DCC: variants seen among roughly 807,000 people sequenced by gnomAD.
DCC encodes netrin receptor DCC.
Under a neutral mutation model 172.5 loss-of-function variants are expected in DCC, and 58 were observed. The observed-to-expected ratio is 0.34, with a 90% CI of 0.27 to 0.42. DCC has a LOEUF of 0.42. Among genes scored for constraint, DCC ranks in the 10% least tolerant of loss-of-function variants. The pLI is 1.00. For synonymous variants in DCC, 709 were observed against 644.5 expected, an observed-to-expected ratio of 1.10 and a Z score of -1.52; for missense variants, 1,740 against 1,791.0, an observed-to-expected ratio of 0.97 and a Z score of 0.51.
chr18:52,712,419 T>G (rs1049864360), intron 1 of DCC, among the ~76,000 whole-genome samples: 20 of 152,204 alleles, frequency 1.3e-4, no homozygotes, highest in African/African-American at 4.8e-4. Flanking sequence ...GCTAGCACTA[T>G]AGTAAGCAAT....
chr18:53,492,881 G>C (rs1296103234), intron 26 of DCC, among the ~76,000 whole-genome samples: 2 of 152,106 alleles, frequency 1.3e-5, no homozygotes, highest in African/African-American at 2.4e-5. Flanking sequence ...AGCCTGATGG[G>C]GTAGCGTTGA....
At position 52,704,582 on chromosome 18, in the gene DCC, G is replaced by A. The variant is rs377702228; in HGVS notation, c.92-47472G>A. 1.6e-4 allele frequency among the ~76,000 whole-genome samples: 25 copies of A among 152,296 alleles called. No homozygotes were observed. In the South Asian group the frequency reaches 4.8e-3, roughly 29 times the overall value. On this transcript the variant is annotated intron_variant, in intron 1 of 28. Coordinates refer to ENST00000442544, the MANE Select transcript of DCC (RefSeq NM_005215.4). ...CTGAAGAGCATTAGCTTTGTTTGAA[G>A]CACTGTATTTCTGAAGCCCAAATTG...
At chr18:53,486,658 A>T in intron 25 of DCC, 139 bp from the exon 26 acceptor site, 1 of 1,064,634 alleles carries the variant, frequency 9.4e-7, no homozygotes, top group Non-Finnish European at 1.4e-6. Flanking sequence ...ATTGGTGGAG[A>T]GAGGTAAGTA....
At chr18:53,456,102 C>T (rs1022063449) in intron 23 of DCC, among the ~76,000 whole-genome samples, 1 of 152,052 alleles carries the variant, frequency 6.6e-6, no homozygotes, top group Non-Finnish European at 1.5e-5. Flanking sequence ...GTGAGTGGTA[C>T]AGAGAGAGAT....
chr18:52,549,576 C>T (rs2032707789), intron 1 of DCC, among the ~76,000 whole-genome samples: 1 of 152,008 alleles, frequency 6.6e-6, no homozygotes, highest in South Asian at 2.1e-4. Context: ...TCATTCCTAC[C>T]ACCACTACTA....
chr18:52,796,424 A>G (rs1019785185), intron 2 of DCC, among the ~76,000 whole-genome samples: 22 of 152,014 alleles, frequency 1.4e-4, no homozygotes, highest in African/African-American at 4.6e-4. Flanking sequence ...TTATACTTTC[A>G]TGTATTTCCA....
chr18:53,493,722 T>G (rs933290452), intron 26 of DCC, among the ~76,000 whole-genome samples: 1 of 152,196 alleles, frequency 6.6e-6, no homozygotes, highest in Non-Finnish European at 1.5e-5. Context: ...AGCTCCTTGA[T>G]TCATTGATTT....
intron 7 of DCC, among the ~76,000 whole-genome samples, chr18:53,117,014 T>G (rs2043418351): frequency 6.6e-6 from 1 of 151,682 alleles, no homozygotes; most frequent in African/African-American, 2.4e-5. Context: ...GAACTATTTT[T>G]TAGATGGAAA....
At chr18:52,592,403 GT>G (rs1175201892) in intron 1 of DCC, among the ~76,000 whole-genome samples, 1 of 152,150 alleles carries the variant, frequency 6.6e-6, no homozygotes, top group Non-Finnish European at 1.5e-5. Flanking sequence ...ACAGAAATAT[GT>G]ATCACCCAGG....
intron 27 of DCC, among the ~76,000 whole-genome samples, 155 bp from the exon 28 acceptor site, chr18:53,526,462 C>G (rs571066956): frequency 6.6e-6 from 1 of 152,160 alleles, no homozygotes; most frequent in East Asian, 1.9e-4. Flanking sequence ...AGAAATAAAA[C>G]GAGCCCACTC....
At chr18:52,487,199 GC>G (rs2144595564) in intron 1 of DCC, among the ~76,000 whole-genome samples, 1 of 152,192 alleles carries the variant, frequency 6.6e-6, no homozygotes, top group East Asian at 1.9e-4. Context: ...AGCAGTCTTT[GC>G]CAAACTGTGG....
At chr18:53,526,350 C>T (rs1486659881) in intron 27 of DCC, among the ~76,000 whole-genome samples, 2 of 152,112 alleles carry the variant, frequency 1.3e-5, no homozygotes, top group East Asian at 1.9e-4. Flanking sequence ...CCAGAGCTCC[C>T]AGGCAACTTT....
At chr18:53,099,619 T>A (rs1043023113) in intron 7 of DCC, among the ~76,000 whole-genome samples, 1 of 152,154 alleles carries the variant, frequency 6.6e-6, no homozygotes, top group Non-Finnish European at 1.5e-5. Context: ...TAATAGCTAA[T>A]ATTTGTTGAG....
intron 14 of DCC, among the ~76,000 whole-genome samples, chr18:53,328,025 A>G (rs915091630): frequency 3.3e-5 from 5 of 152,210 alleles, no homozygotes; most frequent in African/African-American, 9.6e-5. Context: ...CATCTTACAC[A>G]TAAGGAGCAT....
intron 5 of DCC, among the ~76,000 whole-genome samples, chr18:52,966,019 T>C (rs756910117): frequency 3.9e-5 from 6 of 152,188 alleles, no homozygotes; most frequent in Non-Finnish European, 5.9e-5. Flanking sequence ...AATATCATGC[T>C]TGTCTTCCAG....
intron 2 of DCC, among the ~76,000 whole-genome samples, chr18:52,823,578 G>A (rs1249069382): frequency 6.6e-6 from 1 of 152,112 alleles, no homozygotes; most frequent in Non-Finnish European, 1.5e-5. Flanking sequence ...TACTTACTAA[G>A]GTGGGAGATG....
intron 15 of DCC, among the ~76,000 whole-genome samples, chr18:53,376,292 G>GA (rs1907280798): frequency 6.6e-6 from 1 of 152,192 alleles, no homozygotes; most frequent in Non-Finnish European, 1.5e-5. Flanking sequence ...ACTGAGGCAG[G>GA]AAAATTGCTT....
At chr18:53,209,053 C>T (rs1161208980) in intron 11 of DCC, among the ~76,000 whole-genome samples, 1 of 152,166 alleles carries the variant, frequency 6.6e-6, no homozygotes, top group Non-Finnish European at 1.5e-5. Flanking sequence ...CCTGCCGAAG[C>T]CTCCCGAGTA....
chr18:53,135,861 T>C (rs2043733344), intron 7 of DCC, among the ~76,000 whole-genome samples: 1 of 152,292 alleles, frequency 6.6e-6, no homozygotes, highest in Non-Finnish European at 1.5e-5. Context: ...ATGACAGGTG[T>C]CACCCAAGCT....
Sources: gnomAD v4.1 joint callset for allele counts (sites outside exome capture counted in the v4.1 genomes callset) on GRCh38, gnomAD v4.1.1 for gene constraint, MANE v1.5 for transcripts, NCBI Gene and HGNC (gene_info 2026-07-23, HGNC 2026-07-21) for gene names.